The following PEF1 variants were observed in gnomAD, a reference collection of about 807,000 sequenced individuals.
PEF1 encodes peflin.
A neutral mutation model predicts 32.0 loss-of-function variants in PEF1; 17 were observed. The ratio of observed to expected loss-of-function variants is 0.53; its 90% CI spans 0.36 to 0.80. PEF1 has a LOEUF of 0.80. Ranked by LOEUF, PEF1 falls within the 30% of genes least tolerant of loss-of-function variation. PEF1 has a pLI of 0.00. For missense variants in PEF1, 362 were observed against 369.1 expected, an observed-to-expected ratio of 0.98 and a Z score of 0.16; for synonymous variants, 130 against 139.8, an observed-to-expected ratio of 0.93 and a Z score of 0.50.
intron 1 of PEF1, among the ~76,000 whole-genome samples, chr1:31,642,394 GT>G: frequency 6.6e-6 from 1 of 152,086 alleles, no homozygotes; most frequent in Non-Finnish European, 1.5e-5. Flanking sequence ...CACCAAGCTC[GT>G]TCCCCCATAG....
chr1:31,642,778 T>C (rs1264014663), intron 1 of PEF1, among the ~76,000 whole-genome samples: 1 of 152,250 alleles, frequency 6.6e-6, no homozygotes, highest in East Asian at 1.9e-4. Context: ...TGGCATGTAC[T>C]AGGCACTAGC....
At chr1:31,644,550 G>A (rs1189578984) in intron 1 of PEF1, 23 of 1,392,132 alleles carry the variant, frequency 1.7e-5, no homozygotes, top group East Asian at 1.4e-4. Context: ...GGCCTTGGGA[G>A]GCTGTGGAGC....
At chr1:31,643,011 C>T (rs146228494) in intron 1 of PEF1, among the ~76,000 whole-genome samples, 158 of 152,296 alleles carry the variant, frequency 1.0e-3, no homozygotes, top group African/African-American at 3.5e-3. Flanking sequence ...CATGTAGATT[C>T]CTGGGTACAG....
intron 1 of PEF1, among the ~76,000 whole-genome samples, chr1:31,638,264 A>G (rs1470867560): frequency 1.3e-5 from 2 of 152,104 alleles, no homozygotes; most frequent in African/African-American, 2.4e-5. Flanking sequence ...CCCCCATTTT[A>G]CAGATGGGGG....
At chr1:31,632,872 C>T (rs950442006) in intron 3 of PEF1, among the ~76,000 whole-genome samples, 1 of 152,206 alleles carries the variant, frequency 6.6e-6, no homozygotes, top group Non-Finnish European at 1.5e-5. Context: ...TCTCTGCAGG[C>T]TTGGCACCTG....
intron 1 of PEF1, among the ~76,000 whole-genome samples, chr1:31,639,400 G>A (rs938762741): frequency 2.6e-5 from 4 of 152,198 alleles, no homozygotes; most frequent in Admixed American, 6.5e-5. Context: ...CAGACACTGC[G>A]CCTCACTCAT....
At chr1:31,638,293 C>G (rs977078638) in intron 1 of PEF1, among the ~76,000 whole-genome samples, 1 of 152,030 alleles carries the variant, frequency 6.6e-6, no homozygotes, top group Non-Finnish European at 1.5e-5. Flanking sequence ...AGGGACTTGC[C>G]CAAGTAATGC....
At chr1:31,631,343 G>A (rs766364670) in intron 4 of PEF1, among the ~76,000 whole-genome samples, 5 of 152,130 alleles carry the variant, frequency 3.3e-5, no homozygotes, top group Non-Finnish European at 5.9e-5. Flanking sequence ...GGATTAAAAC[G>A]GGTGATCATG....
chr1:31,641,367 T>C (rs1640386820), intron 1 of PEF1, among the ~76,000 whole-genome samples: 1 of 152,108 alleles, frequency 6.6e-6, no homozygotes, highest in South Asian at 2.1e-4. Context: ...CCTGCTTCAA[T>C]CCATTCTCAC....
At chr1:31,644,561 C>A (rs1640499672) in intron 1 of PEF1, 5 of 1,405,604 alleles carry the variant, frequency 3.6e-6, no homozygotes, top group East Asian at 5.3e-5. Context: ...GCTGTGGAGC[C>A]CAGGCCAGCG....
At chr1:31,632,826 G>A (rs551773788) in intron 3 of PEF1, among the ~76,000 whole-genome samples, 188 bp from the exon 4 acceptor site, 2 of 152,304 alleles carry the variant, frequency 1.3e-5, no homozygotes, top group Admixed American at 6.5e-5. Flanking sequence ...TCCTACTCTG[G>A]ACACCTTTAG....
At chr1:31,640,891 C>T (rs1473574655) in intron 1 of PEF1, among the ~76,000 whole-genome samples, 2 of 152,038 alleles carry the variant, frequency 1.3e-5, no homozygotes, top group Non-Finnish European at 1.5e-5. Flanking sequence ...ATTGCAAAGA[C>T]AAGTTTGTAC....
intron 2 of PEF1, among the ~76,000 whole-genome samples, chr1:31,633,622 A>T (rs982704356): frequency 2.6e-5 from 4 of 152,202 alleles, no homozygotes; most frequent in African/African-American, 9.7e-5. Context: ...AATTCTCTGG[A>T]AAAGGTAAAC....
At chr1:31,631,497 G>A (rs1054935008) in intron 4 of PEF1, among the ~76,000 whole-genome samples, 2 of 152,110 alleles carry the variant, frequency 1.3e-5, no homozygotes, top group Non-Finnish European at 2.9e-5. Flanking sequence ...GAACTTACCA[G>A]GCCAGGCTAA....
At chr1:31,639,279 C>G (rs780255941) in intron 1 of PEF1, among the ~76,000 whole-genome samples, 2 of 152,204 alleles carry the variant, frequency 1.3e-5, no homozygotes, top group African/African-American at 4.8e-5. Context: ...CCTCTATACA[C>G]TCGTTGACCA....
At chr1:31,643,811 CTG>C (rs1388226541) in intron 1 of PEF1, among the ~76,000 whole-genome samples, 1 of 152,202 alleles carries the variant, frequency 6.6e-6, no homozygotes, top group Non-Finnish European at 1.5e-5. Context: ...TCCTAAATAA[CTG>C]TGTGATCGCA....
intron 1 of PEF1, 118 bp from the exon 2 acceptor site, chr1:31,635,640 G>C (rs1010239412): frequency 1.9e-5 from 21 of 1,078,870 alleles, no homozygotes; most frequent in Non-Finnish European, 2.5e-5. Flanking sequence ...TATAGGTAGG[G>C]TTGGAATTAT....
chr1:31,637,504 G>A (rs950231282), intron 1 of PEF1, among the ~76,000 whole-genome samples: 1 of 151,918 alleles, frequency 6.6e-6, no homozygotes, highest in South Asian at 2.1e-4. Context: ...AAAATCAGCC[G>A]GGCATGGTGG....
Position 31,633,323 on chromosome 1 carries a change from AG to A in PEF1, c.326-10del, listed in dbSNP as rs769549190. On this transcript the variant is annotated splice_polypyrimidine_tract_variant and intron_variant, in intron 2 of 4. Coordinates refer to ENST00000373703, the MANE Select transcript of PEF1 (RefSeq NM_012392.4). ...ATTGGGAGGGGCGCCACCTGGAGGA[AG>A]GGGTGTGAAGGCCATCAACAGAAAT... 6.2e-7 allele frequency: 1 copy of A among 1,604,228 alleles called. No individual in the cohort carries two copies. The highest frequency in any genetic ancestry group is 1.1e-5 in the South Asian group (1 of 90,240).
Sources: allele counts gnomAD v4.1 joint callset (sites outside exome capture counted in the v4.1 genomes callset), GRCh38; gene constraint gnomAD v4.1.1; transcripts MANE v1.5; gene names NCBI Gene and HGNC (gene_info 2026-07-23, HGNC 2026-07-21).